FSHR: variants seen among roughly 807,000 people sequenced by gnomAD.
FSHR encodes the protein follicle-stimulating hormone receptor.
FSHR carries 46 observed loss-of-function variants against 52.1 expected under a neutral mutation model. The ratio of observed to expected loss-of-function variants is 0.88; its 90% CI spans 0.70 to 1.13. FSHR has a LOEUF of 1.13. FSHR is among the 50% of genes most tolerant of loss of function. The pLI, the probability that FSHR is intolerant of heterozygous loss-of-function variation, is 0.00. For synonymous variants in FSHR, 399 were observed against 309.6 expected (o/e 1.29, Z -3.03); for missense variants, 964 against 834.6 (o/e 1.16, Z -1.91).
At chr2:49,148,373 A>G (rs1294056639) in intron 1 of FSHR, among the ~76,000 whole-genome samples, 1 of 152,058 alleles carries the variant, frequency 6.6e-6, no homozygotes, top group Non-Finnish European at 1.5e-5. Flanking sequence ...ATCCTATACT[A>G]GTTCACTGCA....
chr2:48,976,899 G>A lies in FSHR; in HGVS notation c.668+6013C>T, dbSNP rs202123769. On this transcript the variant is annotated intron_variant, in intron 8 of 9. Coordinates refer to ENST00000406846, the MANE Select transcript of FSHR (RefSeq NM_000145.4). ...TTATTCTTCATTAGTCTGGCTAGCA[G>A]TCTGTTTATTTTGTTATTCTCTTCC... Among the ~76,000 whole-genome samples, 4 of 152,172 alleles carry A rather than the reference G, an allele frequency of 2.6e-5. No individual in the cohort carries two copies. The East Asian group carries it at 7.7e-4, about 29-fold the overall frequency.
chr2:49,141,625 C>A (rs1672689592), intron 1 of FSHR, among the ~76,000 whole-genome samples: 2 of 152,116 alleles, frequency 1.3e-5, no homozygotes, highest in Non-Finnish European at 2.9e-5. Context: ...AGAGGGGACA[C>A]ACATCCAAAC....
Position 48,963,805 on chromosome 2 carries a change from T to C in FSHR, c.1016A>G (p.Asn339Ser), listed in dbSNP as rs752469633. ...GGAGCAGGTCACGTCAACCACTTCA[T>C]TGCATAAGTCATAGTCAAACTCAGT... is the stretch of plus-strand genomic sequence containing the variant. ...TYTEFDYDLCNEVVDVTCSPK... is the reference protein window; with the variant it reads ...TYTEFDYDLCSEVVDVTCSPK... Residue 339 changes from asparagine (N) to serine (S), a missense_variant, in exon 10 of 10, where the codon AAT becomes AGT. Asn to Ser is a conservative substitution (Grantham distance 46). Transcript: ENST00000406846. The C allele has an allele frequency of 1.2e-6, 2 of 1,614,158 alleles. No individual in the cohort carries two copies. The highest frequency in any genetic ancestry group is 1.7e-6 in the Non-Finnish European group (2 of 1,179,998).
At chr2:49,068,325 A>T in intron 1 of FSHR, 35 bp from the exon 2 acceptor site, 1 of 1,535,022 alleles carries the variant, frequency 6.5e-7, no homozygotes, top group Non-Finnish European at 9.0e-7. Flanking sequence ...ATCACAACCT[A>T]TCCATTAATA....
At chr2:49,083,622 T>C (rs1355801963) in intron 1 of FSHR, among the ~76,000 whole-genome samples, 4 of 149,516 alleles carry the variant, frequency 2.7e-5, no homozygotes, top group African/African-American at 5.0e-5. Flanking sequence ...GAGACACACA[T>C]AGGCTCAAAA....
At chr2:49,132,185 T>G (rs566908742) in intron 1 of FSHR, among the ~76,000 whole-genome samples, 1 of 152,284 alleles carries the variant, frequency 6.6e-6, no homozygotes, top group East Asian at 1.9e-4. Context: ...ACTGCTTTGT[T>G]TAGGGTCTCA....
At chr2:49,063,457 A>T (rs910087641) in intron 2 of FSHR, among the ~76,000 whole-genome samples, 2 of 152,046 alleles carry the variant, frequency 1.3e-5, no homozygotes, top group African/African-American at 2.4e-5. Flanking sequence ...TATGTATGTG[A>T]CACACACTCA....
At chr2:49,128,040 C>A (rs567592998) in intron 1 of FSHR, among the ~76,000 whole-genome samples, 53 of 151,110 alleles carry the variant, frequency 3.5e-4, no homozygotes, top group Non-Finnish European at 4.7e-4. Context: ...TTACATGATA[C>A]CTGGCTAATT....
intron 5 of FSHR, among the ~76,000 whole-genome samples, chr2:48,989,344 G>T (rs933749058): frequency 6.9e-6 from 1 of 144,436 alleles, no homozygotes; most frequent in East Asian, 2.1e-4. Flanking sequence ...GTGCAGTGGT[G>T]CCATCACAAC....
At chr2:49,129,056 T>G (rs922146071) in intron 1 of FSHR, among the ~76,000 whole-genome samples, 2 of 152,054 alleles carry the variant, frequency 1.3e-5, no homozygotes, top group Admixed American at 6.6e-5. Flanking sequence ...TGTTTTTTTT[T>G]TTTTCAGTTA....
rs1002627669 is a variant in FSHR, at chr2:49,131,950, G to A, written c.152+22316C>T. Among the ~76,000 whole-genome samples, 38 of 152,064 alleles carry A rather than the reference G, an allele frequency of 2.5e-4. 1 individual carries two copies. The highest frequency in any genetic ancestry group is 2.6e-4 in the Admixed American group (4 of 15,254). On this transcript the variant is annotated intron_variant, in intron 1 of 9. Coordinates refer to ENST00000406846, the MANE Select transcript of FSHR (RefSeq NM_000145.4). ...CCTCTTCTTTTAAAGAACTTCTGAG[G>A]ACTCAAATATTGCTCTGCCCATCCT...
intron 1 of FSHR, among the ~76,000 whole-genome samples, chr2:49,076,428 CG>C (rs1252424034): frequency 6.6e-6 from 1 of 151,942 alleles, no homozygotes; most frequent in Non-Finnish European, 1.5e-5. Context: ...GAAAACAGCA[CG>C]GGAAAAACCC....
At chr2:49,142,341 G>T (rs1027101556) in intron 1 of FSHR, among the ~76,000 whole-genome samples, 1 of 152,156 alleles carries the variant, frequency 6.6e-6, no homozygotes, top group Admixed American at 6.6e-5. Context: ...AAGTCATCTC[G>T]TGTCATCTCA....
intron 1 of FSHR, among the ~76,000 whole-genome samples, chr2:49,122,775 C>T (rs1437999544): frequency 6.6e-6 from 1 of 152,208 alleles, no homozygotes; most frequent in African/African-American, 2.4e-5. Context: ...AGAGGGCTGG[C>T]TCACTTCTGC....
intron 1 of FSHR, among the ~76,000 whole-genome samples, chr2:49,072,479 T>C (rs1669773726): frequency 1.3e-5 from 2 of 152,168 alleles, no homozygotes; most frequent in South Asian, 4.1e-4. Context: ...AATAAACTAC[T>C]AAAAGAAAAA....
intron 1 of FSHR, among the ~76,000 whole-genome samples, chr2:49,070,644 C>T (rs1393614362): frequency 6.6e-6 from 1 of 152,108 alleles, no homozygotes; most frequent in Admixed American, 6.6e-5. Context: ...AACTACAAAG[C>T]ATTTTTTGAT....
Position 48,990,570 on chromosome 2 carries a change from A to T in FSHR, c.442T>A (p.Leu148Ile). 6.2e-7 allele frequency: 1 copy of T among 1,606,808 alleles called. No individual in the cohort carries two copies. Among genetic ancestry groups the T allele is most frequent in the Non-Finnish European group, 8.5e-7 (1 of 1,173,394 alleles). Residue 148 changes from leucine (L) to isoleucine (I), a missense_variant, in exon 5 of 10, where the codon TTA becomes ATA. Transcript: ENST00000406846. ...TCACTCAAGGAAAAAACTTACAGTA[A>T]AACTTTTTGGAGAGAATGAATCTTG... ...VHKIHSLQKVLLDIQDNINIH... is the reference protein window; with the variant it reads ...VHKIHSLQKVILDIQDNINIH...
intron 1 of FSHR, among the ~76,000 whole-genome samples, chr2:49,113,883 G>A (rs1671511197): frequency 6.6e-6 from 1 of 152,128 alleles, no homozygotes; most frequent in Admixed American, 6.6e-5. Context: ...ATGTTTTCAT[G>A]CCCATTGCCT....
At chr2:48,976,923 C>T (rs1262006477) in intron 8 of FSHR, among the ~76,000 whole-genome samples, 1 of 151,884 alleles carries the variant, frequency 6.6e-6, no homozygotes, top group Non-Finnish European at 1.5e-5. Flanking sequence ...TTATTCTCTT[C>T]CAAAAGCCAG....
Sources: gnomAD v4.1 joint callset for allele counts (sites outside exome capture counted in the v4.1 genomes callset) on GRCh38, gnomAD v4.1.1 for gene constraint, MANE v1.5 for transcripts, NCBI Gene and HGNC (gene_info 2026-07-23, HGNC 2026-07-21) for gene names.